The following SPMIP11 variants were observed in gnomAD, a reference collection of about 807,000 sequenced individuals.
The protein encoded by SPMIP11 is long intergenic non-protein coding RNA 935.
the SPMIP11 span, among the ~76,000 whole-genome samples, chr12:48,752,958 C>T: frequency 6.6e-6 from 1 of 152,154 alleles, no homozygotes; most frequent in Admixed American, 6.6e-5. Flanking sequence ...AGGCATAAGC[C>T]ACTGTGCCAG....
At chr12:48,752,387 C>T in the SPMIP11 span, among the ~76,000 whole-genome samples, 1 of 152,116 alleles carries the variant, frequency 6.6e-6, no homozygotes, top group East Asian at 1.9e-4. Flanking sequence ...AGAGGCTGGT[C>T]AACTCACTAC....
At chr12:48,752,980 T>G in the SPMIP11 span, among the ~76,000 whole-genome samples, 1 of 152,018 alleles carries the variant, frequency 6.6e-6, no homozygotes, top group Middle Eastern at 3.2e-3. Flanking sequence ...CCATCCTATT[T>G]ATTCTTAGCT....
chr12:48,763,460 C>T, the SPMIP11 span, among the ~76,000 whole-genome samples: 2 of 152,138 alleles, frequency 1.3e-5, no homozygotes, highest in Non-Finnish European at 2.9e-5. Context: ...TGAGCCACTG[C>T]ACCCAGCCTC....
the SPMIP11 span, among the ~76,000 whole-genome samples, chr12:48,770,087 G>C: frequency 8.9e-6 from 1 of 112,670 alleles, no homozygotes; most frequent in Non-Finnish European, 1.8e-5. Context: ...TTTTTTTTCA[G>C]TAGAAAAGGG....
At chr12:48,765,805 C>T in the SPMIP11 span, 7 of 632,232 alleles carry the variant, frequency 1.1e-5, no homozygotes, top group South Asian at 5.3e-5. Context: ...CTTGTGTGCA[C>T]GGGGGGAGCT....
At chr12:48,735,332 G>T in the SPMIP11 span, among the ~76,000 whole-genome samples, 1 of 152,198 alleles carries the variant, frequency 6.6e-6, no homozygotes, top group Non-Finnish European at 1.5e-5. Context: ...TTCAGGCCGG[G>T]CACAGTGGCT....
At chr12:48,747,647 CTTGGCTACCCTCTGCCAAGT>C in the SPMIP11 span, among the ~76,000 whole-genome samples, 101 of 152,282 alleles carry the variant, frequency 6.6e-4, no homozygotes, top group East Asian at 0.01. Context: ...ATTCAGGCAA[CTTGGCTACCCTCTGCCAAGT>C]TTGGCTACCC....
chr12:48,752,319 T>G, the SPMIP11 span, among the ~76,000 whole-genome samples: 1 of 152,136 alleles, frequency 6.6e-6, no homozygotes, highest in Admixed American at 6.6e-5. Context: ...ACCATAAGAT[T>G]CCTTGAGGTA....
chr12:48,734,928 C>G, the SPMIP11 span, among the ~76,000 whole-genome samples: 1 of 141,724 alleles, frequency 7.1e-6, no homozygotes, highest in African/African-American at 2.6e-5. Flanking sequence ...TGGCATGAAC[C>G]TGGGAGGCAG....
At chr12:48,736,064 T>C in the SPMIP11 span, 1 of 450,264 alleles carries the variant, frequency 2.2e-6, no homozygotes, top group African/African-American at 2.0e-5. Flanking sequence ...CTGTAACTTT[T>C]CCTTTCATTT....
chr12:48,739,678 T>A, the SPMIP11 span, among the ~76,000 whole-genome samples: 2 of 151,386 alleles, frequency 1.3e-5, no homozygotes, highest in Non-Finnish European at 2.9e-5. Context: ...AGAGAAGGGG[T>A]GGGTGGGTGG....
At chr12:48,770,134 G>A in the SPMIP11 span, among the ~76,000 whole-genome samples, 6 of 141,100 alleles carry the variant, frequency 4.3e-5, no homozygotes, top group African/African-American at 1.3e-4. Context: ...TTGAACTCCC[G>A]ACCTCATGAT....
At chr12:48,757,730 A>G in the SPMIP11 span, among the ~76,000 whole-genome samples, 1 of 151,420 alleles carries the variant, frequency 6.6e-6, no homozygotes, top group Non-Finnish European at 1.5e-5. Context: ...GCAGTGGCTC[A>G]CGCCTGTAAT....
At chr12:48,760,536 T>C in the SPMIP11 span, among the ~76,000 whole-genome samples, 1 of 150,792 alleles carries the variant, frequency 6.6e-6, no homozygotes, top group Non-Finnish European at 1.5e-5. Flanking sequence ...TGTTTGTTAT[T>C]GTTGTTTTGA....
chr12:48,735,330 G>A, the SPMIP11 span, among the ~76,000 whole-genome samples: 370 of 152,172 alleles, frequency 2.4e-3, 1 homozygote, highest in African/African-American at 8.3e-3. Flanking sequence ...TTTTCAGGCC[G>A]GGCACAGTGG....
the SPMIP11 span, among the ~76,000 whole-genome samples, chr12:48,745,636 A>G: frequency 6.6e-6 from 1 of 152,218 alleles, no homozygotes; most frequent in Non-Finnish European, 1.5e-5. Flanking sequence ...GAGTTCAATA[A>G]ATCAAACTAC....
At chr12:48,742,027 C>A in the SPMIP11 span, among the ~76,000 whole-genome samples, 4 of 152,054 alleles carry the variant, frequency 2.6e-5, no homozygotes, top group Non-Finnish European at 5.9e-5. Context: ...GTGATAATTG[C>A]AAAATGGTGA....
chr12:48,766,331 T>A, the SPMIP11 span: 1 of 152,658 alleles, frequency 6.6e-6, no homozygotes, highest in Non-Finnish European at 1.5e-5. Flanking sequence ...TCCTGACTCC[T>A]CTACCAACTG....
chr12:48,727,531 CAAGAA>C, the SPMIP11 span: 136 of 702,766 alleles, frequency 1.9e-4, no homozygotes, highest in African/African-American at 2.0e-3. Context: ...CCTTTCAGAA[CAAGAA>C]AAGGAACACA....
Sources: allele counts gnomAD v4.1 joint callset (sites outside exome capture counted in the v4.1 genomes callset), GRCh38; gene constraint gnomAD v4.1.1; transcripts MANE v1.5; gene names NCBI Gene and HGNC (gene_info 2026-07-23, HGNC 2026-07-21).